The following AVPR1B variants were observed in gnomAD, a reference collection of about 807,000 sequenced individuals.
AVPR1B encodes the protein arginine vasopressin receptor 1B, also known as vasopressin V1b receptor.
AVPR1B carries 25 observed loss-of-function variants against 27.5 expected under a neutral mutation model. The ratio of observed to expected loss-of-function variants is 0.91; its 90% CI spans 0.66 to 1.27. The LOEUF (loss-of-function observed/expected upper bound fraction) is 1.27. Among genes scored for constraint, AVPR1B ranks in the 50% most tolerant of loss-of-function variants. AVPR1B has a pLI of 0.00. For missense variants in AVPR1B, 595 were observed against 556.9 expected (o/e 1.07, Z -0.69); for synonymous variants, 248 against 240.2 (o/e 1.03, Z -0.30).
chr1:206,116,720 C>A lies in AVPR1B; in HGVS notation c.171G>T (p.Leu57=). ...GCTTGCGGCCCAGCTGGCCCAGGGT[C>A]AGCAGCACAGCCAGGTTGCCCCCGG... ...LATGGNLAVL[L]TLGQLGRKRS... The change falls in exon 1 of 2, where the codon CTG becomes CTT. Residue 57 remains leucine, a synonymous_variant. Coordinates refer to ENST00000367126, the MANE Select transcript of AVPR1B (RefSeq NM_000707.5). 6.2e-7 allele frequency: 1 copy of A among 1,609,948 alleles called. No homozygotes were observed.
intron 1 of AVPR1B, 75 bp from the exon 2 acceptor site, chr1:206,110,598 A>G (rs1283004006): frequency 4.6e-6 from 6 of 1,301,474 alleles, no homozygotes; most frequent in Non-Finnish European, 5.2e-6. Context: ...GGCCCCACAG[A>G]TGAGGAACAG....
At position 206,109,699 on chromosome 1, in the gene AVPR1B, T is replaced by TAACAACAAC. The variant is rs34518791; in HGVS notation, c.*481_*489dup. 6.4e-6 allele frequency: 1 copy of TAACAACAAC among 157,262 alleles called. No individual in the cohort carries two copies. Among genetic ancestry groups the TAACAACAAC allele is most frequent in the African/African-American group, 2.4e-5 (1 of 41,136 alleles). The allele number at this position is 157,262 out of a possible 1,614,324, so 9.7% of individuals were successfully genotyped here. The stretch of plus-strand genomic sequence containing the variant: ...TTTCTTCATGAAGCAATTTTCTCTC[T>TAACAACAAC]AACAACAACAACAACAACAACAAAT... On this transcript the variant is annotated 3_prime_UTR_variant, in exon 2 of 2. Transcript: ENST00000367126.
chr1:206,113,809 A>G (rs1176382887), intron 1 of AVPR1B, among the ~76,000 whole-genome samples: 10 of 152,174 alleles, frequency 6.6e-5, no homozygotes, highest in African/African-American at 2.4e-4. Context: ...TGGACCAGTT[A>G]TTTTGCCTCT....
intron 1 of AVPR1B, among the ~76,000 whole-genome samples, chr1:206,112,734 CT>C (rs34185135): frequency 0.014 from 2,123 of 152,284 alleles, 61 homozygotes; most frequent in African/African-American, 0.049. Context: ...ATTGATCCCC[CT>C]GCCTCAGCCT....
rs373362273 is a variant in AVPR1B, at chr1:206,116,103, G to T, written c.788C>A (p.Pro263Gln). ...GGTGTTGATGCTGCTGACCCGAGATGGCAGCCCCCGAGTGGTGGCAGCTAA... is the reference window on the plus strand; with the variant it reads ...GGTGTTGATGCTGCTGACCCGAGATTGCAGCCCCCGAGTGGTGGCAGCTAA... ...STLAATTRGLPSRVSSINTIS... is the reference protein window; with the variant it reads ...STLAATTRGLQSRVSSINTIS... Residue 263 changes from proline (P) to glutamine (Q), a missense_variant, in exon 1 of 2, where the codon CCA becomes CAA. Coordinates refer to ENST00000367126, the MANE Select transcript of AVPR1B (RefSeq NM_000707.5). The T allele has an allele frequency of 6.2e-7, 1 of 1,614,224 alleles. No individual in the cohort carries two copies. The highest frequency in any genetic ancestry group is 1.3e-5 in the African/African-American group (1 of 75,056).
In AVPR1B at chr1:206,110,422, G is replaced by C; in HGVS notation, c.1042C>G (p.Arg348Gly). Residue 348 changes from arginine (R) to glycine (G), a missense_variant, in exon 2 of 2, where the codon CGG (arginine) becomes GGG (glycine). Arg to Gly is a moderately radical substitution (Grantham distance 125). Coordinates refer to ENST00000367126, the MANE Select transcript of AVPR1B (RefSeq NM_000707.5). ...CAGCAGGCAAGGTGACGCAGGGGCCGCGGTAACAGGTGGCTGTTGAAGCCC... is the reference window on the plus strand; with the variant it reads ...CAGCAGGCAAGGTGACGCAGGGGCCCCGGTAACAGGTGGCTGTTGAAGCCC... ...YMGFNSHLLP[R>G]PLRHLACCGG... 1 of 1,613,756 alleles carries C rather than the reference G, an allele frequency of 6.2e-7. No individual in the cohort carries two copies. The highest frequency in any genetic ancestry group is 1.1e-5 in the South Asian group (1 of 91,040).
chr1:206,113,118 G>A (rs1208391855), intron 1 of AVPR1B, among the ~76,000 whole-genome samples: 2 of 152,192 alleles, frequency 1.3e-5, no homozygotes, highest in African/African-American at 4.8e-5. Flanking sequence ...TTTAGGAAGT[G>A]CCTGTTTGGT....
Position 206,116,733 on chromosome 1 carries a change from A to G in AVPR1B, c.158T>C (p.Leu53Pro), listed in dbSNP as rs1553290608. The change falls in exon 1 of 2, where the codon CTG becomes CCG. Residue 53 changes from leucine (L) to proline (P), a missense_variant. Leu to Pro is a moderately conservative substitution (Grantham distance 98). Transcript: ENST00000367126. ...TVLVLATGGNLAVLLTLGQLG... is the reference protein window; with the variant it reads ...TVLVLATGGNPAVLLTLGQLG... ...CTGGCCCAGGGTCAGCAGCACAGCC[A>G]GGTTGCCCCCGGTCGCCAGCACCAG... 1.9e-6 allele frequency: 3 copies of G among 1,611,072 alleles called. No individual in the cohort carries two copies. Among genetic ancestry groups the G allele is most frequent in the Non-Finnish European group, 2.5e-6 (3 of 1,178,484 alleles).
chr1:206,117,217 G>A lies in AVPR1B; in HGVS notation c.-327C>T. 2 of 300,440 alleles carry A rather than the reference G, an allele frequency of 6.7e-6. 1 individual carries two copies. Among genetic ancestry groups the A allele is most frequent in the South Asian group, 1.6e-4 (2 of 12,516 alleles). The allele number at this position is 300,440 out of a possible 1,614,324, so 18.6% of individuals were successfully genotyped here. On this transcript the variant is annotated 5_prime_UTR_variant, in exon 1 of 2. Transcript: ENST00000367126. ...GGGAGGGAAAGAAGGCTGGGGAGGG[G>A]CTACCACCCTCCAATCCGCCTCAAA...
intron 1 of AVPR1B, among the ~76,000 whole-genome samples, chr1:206,112,211 G>C (rs1014045416): frequency 1.3e-5 from 2 of 152,048 alleles, no homozygotes; most frequent in East Asian, 3.9e-4. Context: ...AAAAAAAAGA[G>C]AGACAGGGAG....
In AVPR1B at chr1:206,116,745, G is replaced by A. The variant is rs1441201591; in HGVS notation, c.146C>T (p.Thr49Ile). The A allele has an allele frequency of 6.2e-7, 1 of 1,611,698 alleles. No homozygotes were observed. The highest frequency in any genetic ancestry group is 1.3e-5 in the African/African-American group (1 of 74,918). Residue 49 changes from threonine to isoleucine, a missense_variant, in exon 1 of 2, where the codon ACC becomes ATC. Coordinates refer to ENST00000367126, the MANE Select transcript of AVPR1B (RefSeq NM_000707.5). ...GVLATVLVLATGGNLAVLLTL... is the reference protein window; with the variant it reads ...GVLATVLVLAIGGNLAVLLTL... The stretch of plus-strand genomic sequence containing the variant: ...CAGCAGCACAGCCAGGTTGCCCCCG[G>A]TCGCCAGCACCAGGACAGTGGCCAG...
Position 206,110,161 on chromosome 1 carries a change from G to A in AVPR1B, c.*28C>T, listed in dbSNP as rs782412924. On this transcript the variant is annotated 3_prime_UTR_variant, in exon 2 of 2. Coordinates refer to ENST00000367126, the MANE Select transcript of AVPR1B (RefSeq NM_000707.5). ...GCAGAGAACCTCCACTAGTCCTGGG[G>A]GCAGTACCAGACCCCAGCGAGTCTT... is the stretch of plus-strand genomic sequence containing the variant. 2.5e-6 allele frequency: 4 copies of A among 1,579,700 alleles called. No individual in the cohort carries two copies. The highest frequency in any genetic ancestry group is 4.5e-5 in the East Asian group (2 of 44,416).
rs1416716930 is a variant in AVPR1B at position 206,107,544 on chromosome 1, A to G, written c.*2645T>C. ...TGTGCAGTCGCTCCCCACTGTCCAT[A>G]TCACAGGACAGAACCAGCTTTCTGG... On this transcript the variant is annotated 3_prime_UTR_variant, in exon 2 of 2. Transcript: ENST00000367126. Among the ~76,000 whole-genome samples, 1 of 152,192 alleles carries G rather than the reference A, an allele frequency of 6.6e-6. No homozygotes were observed. The highest frequency in any genetic ancestry group is 1.5e-5 in the Non-Finnish European group (1 of 68,036).
Position 206,116,054 on chromosome 1 carries a change from T to A in AVPR1B, c.837A>T (p.Thr279=). 2 of 1,614,196 alleles carry A rather than the reference T, an allele frequency of 1.2e-6. No homozygotes were observed. The highest frequency in any genetic ancestry group is 1.7e-6 in the Non-Finnish European group (2 of 1,180,030). Residue 279 remains threonine (T), a synonymous_variant, in exon 1 of 2, where the codon ACA becomes ACT. Transcript: ENST00000367126. ...INTISRAKIR[T]VKMTFVIVLA... ...GCACGATGACAAAGGTCATCTTCAC[T>A]GTTCGGATCTTGGCCCGTGAGATGG...
At position 206,117,199 on chromosome 1, in the gene AVPR1B, A is replaced by T. The variant is rs1464117612; in HGVS notation, c.-309T>A. The stretch of plus-strand genomic sequence containing the variant: ...GTGCAGAGTGAGGCTTCTGGGAGGG[A>T]AAGAAGGCTGGGGAGGGGCTACCAC... On this transcript the variant is annotated 5_prime_UTR_variant, in exon 1 of 2. Coordinates refer to ENST00000367126, the MANE Select transcript of AVPR1B (RefSeq NM_000707.5). 24 of 340,234 alleles carry T rather than the reference A, an allele frequency of 7.1e-5. No homozygotes were observed. The highest frequency in any genetic ancestry group is 1.3e-4 in the Non-Finnish European group (24 of 187,074). The allele number at this position is 340,234 out of a possible 1,614,324, so 21.1% of individuals were successfully genotyped here. A position where few individuals can be genotyped will look rare whatever the true frequency, so the allele number is the denominator to read the frequency against.
chr1:206,110,412 C>G lies in AVPR1B; in HGVS notation c.1052G>C (p.Arg351Pro). ...FNSHLLPRPL[R>P]HLACCGGPQP... Reference sequence around the variant, plus strand: ...GGGACCCCCACAGCAGGCAAGGTGACGCAGGGGCCGCGGTAACAGGTGGCT... The same window carrying G: ...GGGACCCCCACAGCAGGCAAGGTGAGGCAGGGGCCGCGGTAACAGGTGGCT... The change falls in exon 2 of 2, where the codon CGT becomes CCT. Residue 351 changes from arginine to proline, a missense_variant. Coordinates refer to ENST00000367126, the MANE Select transcript of AVPR1B (RefSeq NM_000707.5). The G allele has an allele frequency of 6.2e-7, 1 of 1,613,388 alleles. No individual in the cohort carries two copies. The highest frequency in any genetic ancestry group is 8.5e-7 in the Non-Finnish European group (1 of 1,179,746).
rs372322048 is a variant in AVPR1B at position 206,116,559 on chromosome 1, T to A, written c.332A>T (p.Lys111Met). 8.4e-5 allele frequency: 135 copies of A among 1,613,998 alleles called. No individual in the cohort carries two copies. The highest frequency in any genetic ancestry group is 1.1e-4 in the Non-Finnish European group (124 of 1,180,024). ...QGPDLLCRAV[K>M]YLQVLSMFAS... The stretch of plus-strand genomic sequence containing the variant: ...AAACATGCTGAGCACCTGCAGGTAC[T>A]TGACGGCCCTGCACAGGAGGTCGGG... The change falls in exon 1 of 2, where the codon AAG becomes ATG. Residue 111 changes from lysine (K) to methionine (M), a missense_variant. Lys to Met is a moderately conservative substitution (Grantham distance 95). Transcript: ENST00000367126.
Position 206,107,728 on chromosome 1 carries a change from C to A in AVPR1B, c.*2461G>T, listed in dbSNP as rs1428017817. 2.0e-5 allele frequency among the ~76,000 whole-genome samples: 3 copies of A among 152,210 alleles called. No individual in the cohort carries two copies. The highest frequency in any genetic ancestry group is 2.9e-5 in the Non-Finnish European group (2 of 68,036). Reference sequence around the variant, plus strand: ...GTAGACAAGAAAGTGCTTTAGTCAGCCTTGATCCCAGGTCTGTCTCCTCTT... The same window carrying A: ...GTAGACAAGAAAGTGCTTTAGTCAGACTTGATCCCAGGTCTGTCTCCTCTT... On this transcript the variant is annotated 3_prime_UTR_variant, in exon 2 of 2. Transcript: ENST00000367126.
In AVPR1B at chr1:206,110,175, C is replaced by T. The variant is rs374353543; in HGVS notation, c.*14G>A. On this transcript the variant is annotated 3_prime_UTR_variant, in exon 2 of 2. Coordinates refer to ENST00000367126, the MANE Select transcript of AVPR1B (RefSeq NM_000707.5). ...CTAGTCCTGGGGGCAGTACCAGACC[C>T]CAGCGAGTCTTTCCTAAAAGATGAT... 3 of 1,595,376 alleles carry T rather than the reference C, an allele frequency of 1.9e-6. No individual in the cohort carries two copies. In the African/African-American group the frequency reaches 4.0e-5, roughly 21 times the overall value.
Sources: allele counts gnomAD v4.1 joint callset (sites outside exome capture counted in the v4.1 genomes callset), GRCh38; gene constraint gnomAD v4.1.1; transcripts MANE v1.5; gene names NCBI Gene and HGNC (gene_info 2026-07-23, HGNC 2026-07-21).